YTHDC1: variants seen among roughly 807,000 people sequenced by gnomAD.
YTHDC1 encodes YTH N6-methyladenosine RNA binding protein C1.
A neutral mutation model predicts 107.0 loss-of-function variants in YTHDC1; 12 were observed. The observed-to-expected ratio is 0.11, with a 90% CI of 0.07 to 0.18. The LOEUF (loss-of-function observed/expected upper bound fraction) is 0.18. Among genes scored for constraint, YTHDC1 ranks in the 10% least tolerant of loss-of-function variants. The pLI is 1.00. For missense variants in YTHDC1, 635 were observed against 898.8 expected (o/e 0.71, Z 3.75); for synonymous variants, 280 against 289.5 (o/e 0.97, Z 0.33).
chr4:68,347,555 A>G (rs1190345598), intron 1 of YTHDC1, among the ~76,000 whole-genome samples: 1 of 152,200 alleles, frequency 6.6e-6, no homozygotes, highest in Non-Finnish European at 1.5e-5. Context: ...CAAGAACTCT[A>G]TGAACAAGGG....
intron 9 of YTHDC1, among the ~76,000 whole-genome samples, chr4:68,325,563 A>AT (rs1420043684): frequency 1.3e-5 from 2 of 152,004 alleles, no homozygotes; most frequent in Non-Finnish European, 2.9e-5. Context: ...TTTAAATTTA[A>AT]TTTTTTAGAG....
In YTHDC1 at chr4:68,337,271, T is replaced by C. The variant is rs748114713; in HGVS notation, c.639A>G (p.Glu213=). 2 of 1,610,966 alleles carry C rather than the reference T, an allele frequency of 1.2e-6. No individual in the cohort carries two copies. The highest frequency in any genetic ancestry group is 1.7e-6 in the Non-Finnish European group (2 of 1,177,784). The part of the protein sequence containing the change: ...EGVEEDVEED[E]EVEEDAEEDE... ...CTTCTTCTGCATCTTCTTCTACTTC[T>C]TCATCTTCCTCCACATCTTCTTCCA... is the stretch of plus-strand genomic sequence containing the variant. Residue 213 remains glutamate, a synonymous_variant, in exon 4 of 17, where the codon GAA becomes GAG. Coordinates refer to ENST00000344157, the MANE Select transcript of YTHDC1 (RefSeq NM_001031732.4).
intron 1 of YTHDC1, among the ~76,000 whole-genome samples, chr4:68,340,967 G>A (rs111922282): frequency 6.6e-6 from 1 of 152,036 alleles, no homozygotes; most frequent in Non-Finnish European, 1.5e-5. Context: ...TCAGATACTG[G>A]TTGTAGTTTT....
chr4:68,325,595 C>T (rs1216105157), intron 9 of YTHDC1, among the ~76,000 whole-genome samples: 2 of 151,976 alleles, frequency 1.3e-5, no homozygotes, highest in Non-Finnish European at 2.9e-5. Flanking sequence ...TTTGCCTTGG[C>T]TGATTGTGAA....
At chr4:68,349,195 G>C (rs1199992084) in intron 1 of YTHDC1, among the ~76,000 whole-genome samples, 1 of 152,136 alleles carries the variant, frequency 6.6e-6, no homozygotes, top group Non-Finnish European at 1.5e-5. Flanking sequence ...AAGTATTCGA[G>C]GAACAAAACG....
At chr4:68,324,728 T>C (rs969633580) in intron 9 of YTHDC1, among the ~76,000 whole-genome samples, 9 of 152,280 alleles carry the variant, frequency 5.9e-5, no homozygotes, top group Admixed American at 1.3e-4. Flanking sequence ...TACTTCCTCA[T>C]TCAATATGGC....
chr4:68,334,810 C>T (rs1723975704), intron 4 of YTHDC1, among the ~76,000 whole-genome samples: 1 of 152,020 alleles, frequency 6.6e-6, no homozygotes, highest in East Asian at 1.9e-4. Flanking sequence ...GATCACTTGA[C>T]CTCAGGAGTT....
In YTHDC1 at chr4:68,337,849, T is replaced by G. The variant is rs1246759930; in HGVS notation, c.182A>C (p.Lys61Thr). The G allele has an allele frequency of 2.5e-6, 4 of 1,613,898 alleles. No homozygotes were observed. In the Admixed American group the frequency reaches 6.7e-5, roughly 27 times the overall value. The change falls in exon 3 of 17, where the codon AAG becomes ACG. Residue 61 changes from lysine to threonine, a missense_variant. Physicochemically the swap from Lys to Thr is moderately conservative, Grantham distance 78. Around this residue, in one of 5 missense-constraint regions of YTHDC1, gnomAD observed 294 missense variants for 312.3 expected, o/e 0.94. Transcript: ENST00000344157. ...CAGTTGTCTAGAATGGACAGAAGGC[T>G]TTTGTCGTTTGGTATCAGTAGATTC... ...RMESTDTKRQ[K>T]PSVHSRQLVS... is the part of the protein sequence containing the mutation.
At chr4:68,349,053 A>G (rs1450133106) in intron 1 of YTHDC1, among the ~76,000 whole-genome samples, 2 of 152,102 alleles carry the variant, frequency 1.3e-5, no homozygotes, top group Admixed American at 6.5e-5. Context: ...TTTGTTTCTG[A>G]CTGTACCCTC....
At chr4:68,335,290 TA>T (rs1724030575) in intron 4 of YTHDC1, among the ~76,000 whole-genome samples, 1 of 151,546 alleles carries the variant, frequency 6.6e-6, no homozygotes, top group Non-Finnish European at 1.5e-5. Context: ...AACTATTGTA[TA>T]AAAAAAAATT....
At chr4:68,331,857 G>C (rs1307521094) in intron 7 of YTHDC1, among the ~76,000 whole-genome samples, 2 of 150,778 alleles carry the variant, frequency 1.3e-5, no homozygotes, top group Non-Finnish European at 3.0e-5. Flanking sequence ...ACAGCAAAAA[G>C]TTAAACTGTA....
rs753872991 is a variant in YTHDC1, at chr4:68,337,698, A to G, written c.333T>C (p.Ala111=). ...TACTTGATAGACGAATTTTCCGATC[A>G]GCATCTAGACGCTTGTTTCTTTCAG... is the stretch of plus-strand genomic sequence containing the variant. The part of the protein sequence containing the change: ...QRSERNKRLD[A]DRKIRLSSSA... Residue 111 remains alanine, a synonymous_variant, in exon 3 of 17, where the codon GCT becomes GCC. Transcript: ENST00000344157. 66 of 1,614,062 alleles carry G rather than the reference A, an allele frequency of 4.1e-5. No homozygotes were observed. The highest frequency in any genetic ancestry group is 2.0e-4 in the Admixed American group (12 of 59,986).
chr4:68,311,078 T>C lies in YTHDC1; in HGVS notation c.*3021A>G, dbSNP rs772852896. 2 of 152,184 alleles carry C rather than the reference T, an allele frequency of 1.3e-5. No homozygotes were observed. Among genetic ancestry groups the C allele is most frequent in the Non-Finnish European group, 2.9e-5 (2 of 68,034 alleles). 9.4% of individuals were successfully genotyped at this position (152,184 alleles called of 1,614,324 possible). On this transcript the variant is annotated 3_prime_UTR_variant, in exon 17 of 17. Coordinates refer to ENST00000344157, the MANE Select transcript of YTHDC1 (RefSeq NM_001031732.4). The stretch of plus-strand genomic sequence containing the variant: ...AATCCTCACAGAGGTGACCATAACA[T>C]GTGCCTCTCTTGCTTCCCAATGCTG...
intron 9 of YTHDC1, among the ~76,000 whole-genome samples, chr4:68,328,786 A>C (rs1401487453): frequency 5.9e-5 from 9 of 152,216 alleles, no homozygotes; most frequent in Admixed American, 5.9e-4. Flanking sequence ...ACATCACAGA[A>C]TGCACTTACA....
At chr4:68,316,927 T>C (rs1721924641) in intron 15 of YTHDC1, among the ~76,000 whole-genome samples, 1 of 152,252 alleles carries the variant, frequency 6.6e-6, no homozygotes, top group South Asian at 2.1e-4. Flanking sequence ...ACTTTGTATG[T>C]ATCTGTTCTT....
chr4:68,332,738 G>T (rs1723733120), intron 6 of YTHDC1, 56 bp downstream of exon 6: 34 of 1,520,930 alleles, frequency 2.2e-5, no homozygotes, highest in Non-Finnish European at 2.9e-5. Flanking sequence ...GAACCAATAA[G>T]GAAAAATAAT....
At chr4:68,343,907 T>C (rs1444272839) in intron 1 of YTHDC1, 1 of 152,168 alleles carries the variant, frequency 6.6e-6, no homozygotes, top group African/African-American at 2.4e-5. Context: ...AGAGCTAAAA[T>C]TCAAATCTAT....
Position 68,332,194 on chromosome 4 carries a change from T to TTTTTTTTTTAA in YTHDC1, c.1030_1031insTTAAAAAAAAA (p.Gln344LeufsTer21). Reference sequence around the variant, plus strand: ...AAGCACATATTTGAGTTTACTGGTTTGATCTGAAAAAAAAAGAAACCCAAA... The same window carrying TTTTTTTTTTAA: ...AAGCACATATTTGAGTTTACTGGTTTTTTTTTTTTAAGATCTGAAAAAAAAAGAAACCCAAA... On this transcript the variant is annotated frameshift_variant, in exon 7 of 17. Coordinates refer to ENST00000344157, the MANE Select transcript of YTHDC1 (RefSeq NM_001031732.4). LOFTEE classifies it high-confidence loss of function. The TTTTTTTTTTAA allele has an allele frequency of 6.3e-7, 1 of 1,594,058 alleles. No individual in the cohort carries two copies.
intron 16 of YTHDC1, 75 bp downstream of exon 16, chr4:68,316,239 C>G: frequency 6.8e-7 from 1 of 1,470,558 alleles, no homozygotes; most frequent in Non-Finnish European, 9.2e-7. Flanking sequence ...TCATCATACT[C>G]TGGTCTCCCC....
Sources: allele counts gnomAD v4.1 joint callset (sites outside exome capture counted in the v4.1 genomes callset), GRCh38; gene constraint gnomAD v4.1.1; regional missense constraint gnomAD v4.1.1; transcripts MANE v1.5; gene names NCBI Gene and HGNC (gene_info 2026-07-23, HGNC 2026-07-21).